The following C17orf78 variants were observed in gnomAD, a reference collection of about 807,000 sequenced individuals.
The protein encoded by C17orf78 is chromosome 17 open reading frame 78.
Under a neutral mutation model 31.8 loss-of-function variants are expected in C17orf78, and 27 were observed. The observed-to-expected ratio is 0.85, with a 90% CI of 0.63 to 1.17. C17orf78 has a LOEUF of 1.17. Ranked by LOEUF, C17orf78 falls within the 50% of genes most tolerant of loss-of-function variation. The pLI, the probability that C17orf78 is intolerant of heterozygous loss-of-function variation, is 0.00. For synonymous variants in C17orf78, 106 were observed against 115.1 expected (o/e 0.92, Z 0.51); for missense variants, 258 against 315.2 (o/e 0.82, Z 1.37).
chr17:37,386,376 G>A (rs2050530541), intron 4 of C17orf78, among the ~76,000 whole-genome samples: 1 of 152,046 alleles, frequency 6.6e-6, no homozygotes, highest in Non-Finnish European at 1.5e-5. Flanking sequence ...CGGATCACCT[G>A]TGGTCAGGAG....
At chr17:37,384,136 C>A (rs530771239) in intron 3 of C17orf78, among the ~76,000 whole-genome samples, 1 of 152,190 alleles carries the variant, frequency 6.6e-6, no homozygotes, top group East Asian at 1.9e-4. Context: ...TAGTGGTGTG[C>A]GCCTGTTGTC....
intron 5 of C17orf78, 61 bp downstream of exon 5, chr17:37,388,855 G>A: frequency 1.3e-6 from 2 of 1,580,606 alleles, no homozygotes; most frequent in South Asian, 2.3e-5. Context: ...TTCTGTTCCA[G>A]AGGCAGCTTG....
At chr17:37,384,100 C>T (rs1457251574) in intron 3 of C17orf78, among the ~76,000 whole-genome samples, 1 of 152,160 alleles carries the variant, frequency 6.6e-6, no homozygotes, top group Middle Eastern at 3.2e-3. Flanking sequence ...CCCGTCTCTA[C>T]TAAAAATACA....
intron 3 of C17orf78, among the ~76,000 whole-genome samples, chr17:37,385,412 G>T (rs2050483231): frequency 1.3e-5 from 2 of 152,184 alleles, no homozygotes; most frequent in South Asian, 2.1e-4. Flanking sequence ...GGCAGAGGTT[G>T]CAGTGAGCTG....
chr17:37,379,446 A>T, intron 3 of C17orf78, 64 bp downstream of exon 3: 1 of 1,521,628 alleles, frequency 6.6e-7, no homozygotes, highest in Non-Finnish European at 8.9e-7. Context: ...GAAGGCAGCC[A>T]GAACTCCGTA....
chr17:37,389,421 G>T (rs1416877070), intron 6 of C17orf78, 59 bp downstream of exon 6: 6 of 1,539,418 alleles, frequency 3.9e-6, no homozygotes, highest in Non-Finnish European at 5.3e-6. Context: ...TAGGGGCCGG[G>T]CGTGGTGGCT....
Position 37,392,187 on chromosome 17 carries a change from A to C in C17orf78, c.*463A>C. ...TGGTTGACGTTTATAAGGTTTTGTA[A>C]TTTAGCTTCTGGTACTACATGTATC... is the stretch of plus-strand genomic sequence containing the variant. On this transcript the variant is annotated 3_prime_UTR_variant, in exon 7 of 7. Coordinates refer to ENST00000615133, the MANE Select transcript of C17orf78 (RefSeq NM_173625.5). 6.1e-6 allele frequency: 1 copy of C among 164,164 alleles called. No individual in the cohort carries two copies. Among genetic ancestry groups the C allele is most frequent in the Non-Finnish European group, 1.3e-5 (1 of 74,386 alleles). 10.2% of individuals were successfully genotyped at this position (164,164 alleles called of 1,614,324 possible).
intron 4 of C17orf78, among the ~76,000 whole-genome samples, chr17:37,386,398 C>T (rs1462783508): frequency 2.6e-5 from 4 of 152,044 alleles, no homozygotes; most frequent in Admixed American, 6.6e-5. Context: ...TCAAGACCAG[C>T]CTGACCAACA....
At chr17:37,383,054 A>T (rs1162501370) in intron 3 of C17orf78, among the ~76,000 whole-genome samples, 1 of 152,150 alleles carries the variant, frequency 6.6e-6, no homozygotes, top group African/African-American at 2.4e-5. Flanking sequence ...AAACAAACTC[A>T]AAAGACTCTG....
intron 3 of C17orf78, among the ~76,000 whole-genome samples, chr17:37,381,922 C>T (rs548393098): frequency 1.7e-4 from 26 of 151,958 alleles, no homozygotes; most frequent in East Asian, 9.7e-4. Context: ...CCACTGCACC[C>T]GGCCATGTCT....
chr17:37,379,598 T>C (rs1233386252), intron 3 of C17orf78, among the ~76,000 whole-genome samples: 2 of 151,930 alleles, frequency 1.3e-5, no homozygotes, highest in African/African-American at 2.4e-5. Context: ...TTTTCTCCCA[T>C]CAAAAAGTGG....
chr17:37,378,110 A>G, intron 2 of C17orf78, 145 bp downstream of exon 2: 1 of 690,198 alleles, frequency 1.4e-6, no homozygotes, highest in Non-Finnish European at 2.4e-6. Flanking sequence ...GCTTTCTGGA[A>G]ACCAATCTTT....
At chr17:37,380,898 G>GTT (rs201346814) in intron 3 of C17orf78, among the ~76,000 whole-genome samples, 16 of 146,316 alleles carry the variant, frequency 1.1e-4, no homozygotes, top group African/African-American at 3.8e-4. Flanking sequence ...GCCTGGCCAG[G>GTT]TTTTTTTTTT....
chr17:37,391,571 C>T, intron 6 of C17orf78, 76 bp from the exon 7 acceptor site: 5 of 1,342,586 alleles, frequency 3.7e-6, no homozygotes, highest in Non-Finnish European at 5.3e-6. Flanking sequence ...TGTACTTAGC[C>T]AGCCCTTTTC....
At chr17:37,390,044 G>C (rs2050724381) in intron 6 of C17orf78, among the ~76,000 whole-genome samples, 1 of 141,784 alleles carries the variant, frequency 7.1e-6, no homozygotes, top group Admixed American at 7.5e-5. Flanking sequence ...CCAGTGCTTT[G>C]GGAGGCAGAG....
intron 6 of C17orf78, among the ~76,000 whole-genome samples, chr17:37,390,316 A>ATC (rs1555672312): frequency 5.9e-5 from 3 of 50,656 alleles, no homozygotes; most frequent in Non-Finnish European, 9.1e-5. Context: ...ATATATATAT[A>ATC]TATATATATA....
intron 3 of C17orf78, among the ~76,000 whole-genome samples, chr17:37,380,443 A>AG (rs745910421): frequency 5.3e-5 from 8 of 152,058 alleles, no homozygotes; most frequent in Non-Finnish European, 1.2e-4. Context: ...GAAAAAAAAA[A>AG]GAAAATGAAT....
At chr17:37,390,312 A>ATG (rs1568096142) in intron 6 of C17orf78, among the ~76,000 whole-genome samples, 2 of 42,908 alleles carry the variant, frequency 4.7e-5, no homozygotes, top group Non-Finnish European at 7.0e-5. Context: ...AATTATATAT[A>ATG]TATATATATA....
chr17:37,380,846 T>C (rs2051946852), intron 3 of C17orf78, among the ~76,000 whole-genome samples: 1 of 152,078 alleles, frequency 6.6e-6, no homozygotes, highest in African/African-American at 2.4e-5. Flanking sequence ...TCTGCCCGCC[T>C]TGGCCTCCCA....
Sources: allele counts gnomAD v4.1 joint callset (sites outside exome capture counted in the v4.1 genomes callset), GRCh38; gene constraint gnomAD v4.1.1; transcripts MANE v1.5; gene names NCBI Gene and HGNC (gene_info 2026-07-23, HGNC 2026-07-21).